MYO7B: variants seen among roughly 807,000 people sequenced by gnomAD.
The protein encoded by MYO7B is myosin VIIB.
Under a neutral mutation model 259.7 loss-of-function variants are expected in MYO7B, and 212 were observed. That is an observed-to-expected ratio of 0.82 (90% CI 0.73 to 0.91). MYO7B has a LOEUF of 0.91. Ranked by LOEUF, MYO7B falls within the 40% of genes least tolerant of loss-of-function variation. The pLI is 0.00. For synonymous variants in MYO7B, 1,197 were observed against 1,166.4 expected (o/e 1.03, Z -0.54); for missense variants, 2,732 against 2,813.5 (o/e 0.97, Z 0.66).
chr2:127,536,467 T>TGGGGGGGGGG (rs70985465), intron 1 of MYO7B, among the ~76,000 whole-genome samples: 3 of 105,798 alleles, frequency 2.8e-5, no homozygotes, highest in African/African-American at 7.4e-5. Flanking sequence ...TGGGGTGTGG[T>TGGGGGGGGGG]GGGGGGGGGG....
At chr2:127,554,079 A>G (rs978173287) in intron 1 of MYO7B, among the ~76,000 whole-genome samples, 6 of 151,862 alleles carry the variant, frequency 4.0e-5, no homozygotes, top group Admixed American at 1.3e-4. Context: ...ATTTTTATTT[A>G]TTTATTTATT....
Position 127,569,789 on chromosome 2 carries a change from C to A in MYO7B, c.471C>A (p.Ser157Arg), listed in dbSNP as rs759578740. 6.2e-7 allele frequency: 1 copy of A among 1,607,144 alleles called. No individual in the cohort carries two copies. Among genetic ancestry groups the A allele is most frequent in the Non-Finnish European group, 8.5e-7 (1 of 1,176,488 alleles). ...RNKRDQCCIISGESGAGKTET... is the reference protein window; with the variant it reads ...RNKRDQCCIIRGESGAGKTET... Reference sequence around the variant, plus strand: ...ATGTCCCTGCACACCCTTTTTGCAGCGGCGAGTCTGGGGCTGGCAAGACGG... The same window carrying A: ...ATGTCCCTGCACACCCTTTTTGCAGAGGCGAGTCTGGGGCTGGCAAGACGG... Residue 157 changes from serine to arginine, a missense_variant and splice_region_variant, in exon 6 of 48, where the codon AGC (serine) becomes AGA (arginine). This residue lies in a region of MYO7B where 1,906 missense variants were observed against 2,026.4 expected (regional missense o/e 0.94). Transcript: ENST00000409816.
At chr2:127,618,161 C>T (rs943752868) in intron 26 of MYO7B, among the ~76,000 whole-genome samples, 2 of 152,316 alleles carry the variant, frequency 1.3e-5, no homozygotes, top group Non-Finnish European at 2.9e-5. Flanking sequence ...CCTGTCCAGG[C>T]AGCACTTGCA....
intron 9 of MYO7B, among the ~76,000 whole-genome samples, chr2:127,579,988 C>T (rs1027214057): frequency 1.3e-5 from 2 of 152,112 alleles, no homozygotes; most frequent in Non-Finnish European, 2.9e-5. Flanking sequence ...TGCTTACCTC[C>T]GGAGGAGAGG....
intron 17 of MYO7B, 126 bp from the exon 18 acceptor site, chr2:127,593,420 G>C (rs1679645184): frequency 2.3e-6 from 2 of 888,690 alleles, no homozygotes; most frequent in Non-Finnish European, 3.5e-6. Flanking sequence ...GCCTGTGCCT[G>C]GGCGGGGGTG....
chr2:127,611,330 C>T lies in MYO7B; in HGVS notation c.3193-920C>T, dbSNP rs750520073. On this transcript the variant is annotated intron_variant, in intron 24 of 47. Coordinates refer to ENST00000409816, the MANE Select transcript of MYO7B (RefSeq NM_001393586.1). This position sits in a 1 kb window ranked among gnomAD's most constrained non-coding sequence, Gnocchi z 5.4. ...CAGGAATTTCAGGACGCAGGGATCACGGGGGCCATGTTGGAGGCTGGCAGC... is the reference window on the plus strand; with the variant it reads ...CAGGAATTTCAGGACGCAGGGATCATGGGGGCCATGTTGGAGGCTGGCAGC... Among the ~76,000 whole-genome samples the T allele has an allele frequency of 9.2e-5, 14 of 152,230 alleles. No homozygotes were observed. The highest frequency in any genetic ancestry group is 5.8e-4 in the East Asian group (3 of 5,200).
intron 44 of MYO7B, 33 bp downstream of exon 44, chr2:127,635,940 C>T (rs199860989): frequency 1.1e-4 from 164 of 1,546,948 alleles, no homozygotes; most frequent in Non-Finnish European, 1.4e-4. Flanking sequence ...GGTTCTTGTG[C>T]TGCTGCTCCT....
Position 127,584,801 on chromosome 2 carries a change from A to G in MYO7B, c.1578A>G (p.Gln526=), listed in dbSNP as rs149503031. The part of the protein sequence containing the change: ...FPQGTDLTML[Q]KLNSVHANNK... ...AGGGGACAGATCTCACCATGCTGCA[A>G]AAGCTGAACAGCGTCCATGCCAACA... Residue 526 remains glutamine (Q), a synonymous_variant, in exon 14 of 48, where the codon CAA becomes CAG. Coordinates refer to ENST00000409816, the MANE Select transcript of MYO7B (RefSeq NM_001393586.1). This position sits in a 1 kb window ranked among gnomAD's most constrained non-coding sequence, Gnocchi z 5.8. 270 of 1,613,960 alleles carry G rather than the reference A, an allele frequency of 1.7e-4. 1 individual carries two copies. In the African/African-American group the frequency reaches 3.1e-3, roughly 19 times the overall value.
intron 19 of MYO7B, among the ~76,000 whole-genome samples, chr2:127,601,754 G>A (rs1270233764): frequency 6.6e-6 from 1 of 152,136 alleles, no homozygotes; most frequent in African/African-American, 2.4e-5. Flanking sequence ...CATTCTGCCA[G>A]TGTATGTCAT....
Position 127,590,266 on chromosome 2 carries a change from G to A in MYO7B, c.1992+37G>A. On this transcript the variant is annotated intron_variant, in intron 16 of 47. Coordinates refer to ENST00000409816, the MANE Select transcript of MYO7B (RefSeq NM_001393586.1). The surrounding 1 kb of genome is among the most constrained non-coding windows in gnomAD (Gnocchi z 4.6). ...AGGCTGGGGCACAGCAAAGGAGGGA[G>A]GAGGAGGAGGCTGATGGCCTCTAGG... The A allele has an allele frequency of 6.2e-7, 1 of 1,612,084 alleles. No individual in the cohort carries two copies. The highest frequency in any genetic ancestry group is 8.5e-7 in the Non-Finnish European group (1 of 1,179,564).
At position 127,624,104 on chromosome 2, in the gene MYO7B, G is replaced by A; in HGVS notation, c.3831G>A (p.Leu1277=). The A allele has an allele frequency of 6.4e-7, 1 of 1,569,380 alleles. No individual in the cohort carries two copies. Among genetic ancestry groups the A allele is most frequent in the East Asian group, 2.4e-5 (1 of 42,154 alleles). The change falls in exon 30 of 48, where the codon CTG becomes CTA. Residue 1277 remains leucine, a synonymous_variant. Transcript: ENST00000409816. ...GACTCTGGCCTCAGTTCTGGTCCCT[G>A]GGCAGCGGGCGCGACCACATGATGG... is the stretch of plus-strand genomic sequence containing the variant. The part of the protein sequence containing the change: ...QVAVYDKFWS[L]GSGRDHMMDA...
intron 24 of MYO7B, 60 bp downstream of exon 24, chr2:127,610,076 C>T: frequency 6.3e-7 from 1 of 1,577,622 alleles, no homozygotes; most frequent in Non-Finnish European, 8.6e-7. Flanking sequence ...CTACCAGGGC[C>T]CAGTCCCTGG....
chr2:127,553,439 A>G (rs1298747272), intron 1 of MYO7B, among the ~76,000 whole-genome samples: 1 of 152,142 alleles, frequency 6.6e-6, no homozygotes, highest in Non-Finnish European at 1.5e-5. Flanking sequence ...TTCTCTCAGC[A>G]ATGTTTTATA....
Position 127,628,135 on chromosome 2 carries a change from C to A in MYO7B, c.4461-237C>A. 1.5e-6 allele frequency: 1 copy of A among 667,498 alleles called. No homozygotes were observed. The highest frequency in any genetic ancestry group is 2.7e-6 in the Non-Finnish European group (1 of 364,016). The allele number at this position is 667,498 out of a possible 1,614,324, so 41.3% of individuals were successfully genotyped here. On this transcript the variant is annotated intron_variant, in intron 33 of 47. Transcript: ENST00000409816. This position sits in a 1 kb window ranked among gnomAD's most constrained non-coding sequence, Gnocchi z 4.8. ...GCACACCAGCCACCTCATTATCTGCCCACAGCCAACCCCACACATGGGCTG... is the reference window on the plus strand; with the variant it reads ...GCACACCAGCCACCTCATTATCTGCACACAGCCAACCCCACACATGGGCTG...
At position 127,584,098 on chromosome 2, in the gene MYO7B, TG is replaced by T; in HGVS notation, c.1344-21del. 4 of 1,601,504 alleles carry T rather than the reference TG, an allele frequency of 2.5e-6. No homozygotes were observed. Among genetic ancestry groups the T allele is most frequent in the Non-Finnish European group, 2.6e-6 (3 of 1,173,644 alleles). On this transcript the variant is annotated intron_variant, in intron 12 of 47. Coordinates refer to ENST00000409816, the MANE Select transcript of MYO7B (RefSeq NM_001393586.1). The surrounding 1 kb of genome is among the most constrained non-coding windows in gnomAD (Gnocchi z 5.8). ...GACTCAGCTGGCCCCACTCCACCCC[TG>T]GGCAGTGACCTTGCCTCCACAGCTT... is the stretch of plus-strand genomic sequence containing the variant.
At position 127,608,674 on chromosome 2, in the gene MYO7B, G is replaced by A. The variant is rs377479126; in HGVS notation, c.2644-34G>A. 1.1e-5 allele frequency: 17 copies of A among 1,591,326 alleles called. No individual in the cohort carries two copies. In the Admixed American group the frequency reaches 1.4e-4, roughly 13 times the overall value. On this transcript the variant is annotated intron_variant, in intron 21 of 47. Coordinates refer to ENST00000409816, the MANE Select transcript of MYO7B (RefSeq NM_001393586.1). ...GGCTGGGCCCCCTGAGCCCTGCTGG[G>A]CCCCTGGGTAACCTTCCTCCACGGG...
Position 127,576,600 on chromosome 2 carries a change from C to T in MYO7B, c.741C>T (p.Pro247=), listed in dbSNP as rs368516972. The T allele has an allele frequency of 1.4e-5, 23 of 1,593,032 alleles. No individual in the cohort carries two copies. The highest frequency in any genetic ancestry group is 1.7e-4 in the Middle Eastern group (1 of 6,010). ...LEKSRVCRQA[P]EERNYHIFYC... is the part of the protein sequence containing the mutation. ...ATGCCCTCCCTCCCTCCCAGGCTCC[C>T]GAGGAGCGGAACTACCATATCTTCT... The change falls in exon 8 of 48, where the codon CCC becomes CCT. Residue 247 remains proline, a synonymous_variant. Coordinates refer to ENST00000409816, the MANE Select transcript of MYO7B (RefSeq NM_001393586.1). The surrounding 1 kb of genome is among the most constrained non-coding windows in gnomAD (Gnocchi z 4.9).
intron 12 of MYO7B, 124 bp downstream of exon 12, chr2:127,582,570 A>T: frequency 8.6e-7 from 1 of 1,162,158 alleles, no homozygotes; most frequent in East Asian, 2.6e-5. Context: ...GTCCCACCAG[A>T]TCCGTGTGCT....
chr2:127,574,188 A>ATTATCCAGTGAGGC, intron 7 of MYO7B, 126 bp downstream of exon 7: 1 of 1,230,198 alleles, frequency 8.1e-7, no homozygotes, highest in Non-Finnish European at 1.1e-6. Context: ...CACAGGCCTC[A>ATTATCCAGTGAGGC]CTGGATAATG....
Sources: gnomAD v4.1 joint callset for allele counts (sites outside exome capture counted in the v4.1 genomes callset) on GRCh38, gnomAD v4.1.1 for gene constraint, gnomAD v4.1.1 regional missense constraint, Gnocchi (gnomAD v3.1) non-coding constraint, MANE v1.5 for transcripts, NCBI Gene and HGNC (gene_info 2026-07-23, HGNC 2026-07-21) for gene names.